Variants in VWA8 observed in about 807,000 individuals in gnomAD.
VWA8 encodes von Willebrand factor A domain-containing protein 8.
VWA8 carries 221 observed loss-of-function variants against 241.5 expected under a neutral mutation model. That is an observed-to-expected ratio of 0.91 (90% confidence interval 0.82 to 1.02). VWA8 has a LOEUF of 1.02. VWA8 is among the 50% of genes least tolerant of loss of function. The pLI is 0.00. For synonymous variants in VWA8, 852 were observed against 827.1 expected (o/e 1.03, Z -0.52); for missense variants, 2,322 against 2,328.7 (o/e 1.00, Z 0.06).
chr13:41,723,149 T>TTC (rs1182334204), intron 24 of VWA8, among the ~76,000 whole-genome samples: 1 of 152,084 alleles, frequency 6.6e-6, no homozygotes, highest in Non-Finnish European at 1.5e-5. Context: ...GGAAAACATA[T>TTC]TCTCTCTCTC....
intron 35 of VWA8, among the ~76,000 whole-genome samples, chr13:41,680,850 T>C (rs2045093858): frequency 6.6e-6 from 1 of 152,208 alleles, no homozygotes; most frequent in Admixed American, 6.5e-5. Flanking sequence ...AAATTTGCAC[T>C]GACAAATAAC....
chr13:41,581,499 A>C (rs2044383369), intron 42 of VWA8, among the ~76,000 whole-genome samples: 1 of 152,208 alleles, frequency 6.6e-6, no homozygotes, highest in African/African-American at 2.4e-5. Context: ...CCAGCTTATG[A>C]AACATCCTGC....
chr13:41,568,400 A>G (rs1282099120), intron 44 of VWA8, 95 bp from the exon 45 acceptor site: 3 of 945,414 alleles, frequency 3.2e-6, no homozygotes, highest in Middle Eastern at 2.3e-4. Context: ...ATGGTTTCTT[A>G]GGAAAGGAAG....
intron 37 of VWA8, among the ~76,000 whole-genome samples, chr13:41,627,945 G>A (rs2044703515): frequency 1.3e-5 from 2 of 152,150 alleles, no homozygotes; most frequent in Admixed American, 6.6e-5. Flanking sequence ...TGGAAGCAGG[G>A]AACATAGGCC....
chr13:41,882,365 G>A (rs1465714556), intron 9 of VWA8, among the ~76,000 whole-genome samples: 7 of 151,698 alleles, frequency 4.6e-5, no homozygotes, highest in East Asian at 2.0e-4. Context: ...GACGACGGGC[G>A]GCCAGGCAGA....
At chr13:41,676,346 G>A (rs1489630099) in intron 35 of VWA8, among the ~76,000 whole-genome samples, 6 of 152,080 alleles carry the variant, frequency 3.9e-5, no homozygotes, top group Admixed American at 6.5e-5. Context: ...CTCAATATTG[G>A]TGGACATCAT....
At chr13:41,731,961 T>C (rs1015925617) in intron 22 of VWA8, 119 bp downstream of exon 22, 7 of 815,662 alleles carry the variant, frequency 8.6e-6, no homozygotes, top group African/African-American at 5.2e-5. Flanking sequence ...GGTATGTCTT[T>C]ATAAGCAGCA....
In VWA8 at chr13:41,703,326, C is replaced by A; in HGVS notation, c.3202G>T (p.Glu1068Ter). Residue 1068 changes from glutamate (E) to a stop codon, truncating the protein, a stop_gained, in exon 27 of 45, where the codon GAA becomes TAA. Transcript: ENST00000379310. LOFTEE classifies it high-confidence loss of function. Reference sequence around the variant, plus strand: ...ACCTTTATGTCTATATGATGAGTTTCCACTGGACACAAGAGTTTTTGCATC... The same window carrying A: ...ACCTTTATGTCTATATGATGAGTTTACACTGGACACAAGAGTTTTTGCATC... ...SGMQKLLCPVETHHIDIKGPA... is the reference protein window; with the variant it reads ...SGMQKLLCPV 2 of 1,613,960 alleles carry A rather than the reference C, an allele frequency of 1.2e-6. No individual in the cohort carries two copies. Among genetic ancestry groups the A allele is most frequent in the Non-Finnish European group, 1.7e-6 (2 of 1,179,876 alleles).
intron 2 of VWA8, among the ~76,000 whole-genome samples, chr13:41,943,569 T>G (rs1877698850): frequency 6.6e-6 from 1 of 152,066 alleles, no homozygotes; most frequent in African/African-American, 2.4e-5. Flanking sequence ...AAGATATCAA[T>G]GAGAAAATGA....
intron 8 of VWA8, among the ~76,000 whole-genome samples, chr13:41,885,431 A>G (rs1874474508): frequency 6.6e-6 from 1 of 152,152 alleles, no homozygotes; most frequent in African/African-American, 2.4e-5. Context: ...CTCTTCCAAC[A>G]GCAATTGCTG....
chr13:41,922,127 C>T (rs1440737300), intron 2 of VWA8, among the ~76,000 whole-genome samples: 1 of 152,116 alleles, frequency 6.6e-6, no homozygotes, highest in African/African-American at 2.4e-5. Flanking sequence ...AGAAATAATA[C>T]CACACATCTA....
chr13:41,748,615 T>C (rs2045628908), intron 21 of VWA8, among the ~76,000 whole-genome samples: 1 of 152,186 alleles, frequency 6.6e-6, no homozygotes, highest in South Asian at 2.1e-4. Flanking sequence ...TCTGCTCTGA[T>C]CTTAGTTATT....
In VWA8 at chr13:41,898,789, G is replaced by T. The variant is rs1285224751; in HGVS notation, c.484-7202C>A. On this transcript the variant is annotated intron_variant, in intron 4 of 44. Transcript: ENST00000379310. ...CGCCGGTGGGCTGGCACTGCTGGGGGACCCAGTACACCCTCCACACGCCGC... is the reference window on the plus strand; with the variant it reads ...CGCCGGTGGGCTGGCACTGCTGGGGTACCCAGTACACCCTCCACACGCCGC... Among the ~76,000 whole-genome samples the T allele has an allele frequency of 1.7e-4, 16 of 94,576 alleles. No individual in the cohort carries two copies. In the South Asian group the frequency reaches 6.4e-3, roughly 38 times the overall value. The allele number at this position is 94,576 out of a possible 152,430, so 62.0% of individuals were successfully genotyped here. A position where few individuals can be genotyped will look rare whatever the true frequency, so the allele number is the denominator to read the frequency against.
chr13:41,777,692 A>G (rs1868669760), intron 20 of VWA8, among the ~76,000 whole-genome samples: 1 of 152,198 alleles, frequency 6.6e-6, no homozygotes, highest in Non-Finnish European at 1.5e-5. Context: ...ATAGGAAACT[A>G]CTGCTGCAAT....
intron 43 of VWA8, among the ~76,000 whole-genome samples, chr13:41,573,506 T>TATATATATATAC (rs1439940851): frequency 4.2e-5 from 6 of 141,644 alleles, no homozygotes; most frequent in African/African-American, 1.1e-4. Flanking sequence ...TATATATATA[T>TATATATATATAC]ACCTCTCTCT....
intron 35 of VWA8, among the ~76,000 whole-genome samples, chr13:41,675,569 G>GT (rs201552926): frequency 5.5e-4 from 84 of 151,366 alleles, no homozygotes; most frequent in African/African-American, 1.9e-3. Context: ...TGCATTTACA[G>GT]TTTTTTTAAA....
chr13:41,599,946 C>T (rs2044510919), intron 40 of VWA8, among the ~76,000 whole-genome samples: 1 of 152,090 alleles, frequency 6.6e-6, no homozygotes, highest in African/African-American at 2.4e-5. Context: ...CTGCTGCTTT[C>T]AAACGCTTTT....
Position 41,691,194 on chromosome 13 carries a change from T to C in VWA8, c.3866+126A>G, listed in dbSNP as rs150668459. On this transcript the variant is annotated intron_variant, in intron 32 of 44. Transcript: ENST00000379310. ...TTCTTATAAGTCTCATATATAGAGA[T>C]GCTGCCAAACACAGAAATTGTTAAA... The C allele has an allele frequency of 4.9e-5, 59 of 1,205,078 alleles. No homozygotes were observed. The East Asian group carries it at 1.4e-3, about 29-fold the overall frequency. 74.6% of individuals were successfully genotyped at this position (1,205,078 alleles called of 1,614,324 possible).
chr13:41,961,091 G>T lies in VWA8; in HGVS notation c.-76C>A. The T allele has an allele frequency of 7.8e-7, 1 of 1,281,052 alleles. No homozygotes were observed. Among genetic ancestry groups the T allele is most frequent in the Non-Finnish European group, 1.0e-6 (1 of 996,264 alleles). 79.4% of individuals were successfully genotyped at this position (1,281,052 alleles called of 1,614,324 possible). Reference sequence around the variant, plus strand: ...CGTCCCGTGCAGGCACCGTGAGGCAGCGCGGAGAAGGGGACAGGAAGCGGC... The same window carrying T: ...CGTCCCGTGCAGGCACCGTGAGGCATCGCGGAGAAGGGGACAGGAAGCGGC... On this transcript the variant is annotated 5_prime_UTR_variant, in exon 1 of 45. In the 5' UTR this introduces an upstream ATG that the reference lacks. Coordinates refer to ENST00000379310, the MANE Select transcript of VWA8 (RefSeq NM_015058.2).
Sources: gnomAD v4.1 joint callset for allele counts (sites outside exome capture counted in the v4.1 genomes callset) on GRCh38, gnomAD v4.1.1 for gene constraint, MANE v1.5 for transcripts, NCBI Gene and HGNC (gene_info 2026-07-23, HGNC 2026-07-21) for gene names.